PDE11A: variants seen among roughly 807,000 people sequenced by gnomAD.
PDE11A encodes the protein phosphodiesterase 11A.
Under a neutral mutation model 100.5 loss-of-function variants are expected in PDE11A, and 100 were observed. The ratio of observed to expected loss-of-function variants is 1.00; its 90% CI spans 0.85 to 1.18. PDE11A has a LOEUF of 1.18. Among genes scored for constraint, PDE11A ranks in the 50% most tolerant of loss-of-function variants. The probability of loss-of-function intolerance (pLI) is 0.00; values close to 1 mark genes in which losing one functional copy is unlikely to be tolerated. For synonymous variants in PDE11A, 381 were observed against 420.8 expected (o/e 0.91, Z 1.16); for missense variants, 1,141 against 1,152.6 (o/e 0.99, Z 0.15).
At chr2:178,010,426 A>G (rs1352823883) in intron 2 of PDE11A, among the ~76,000 whole-genome samples, 1 of 152,216 alleles carries the variant, frequency 6.6e-6, no homozygotes, top group Non-Finnish European at 1.5e-5. Flanking sequence ...TGAAGTTGGC[A>G]GAGCTCTGAG....
chr2:177,714,214 C>T (rs1400751960), intron 12 of PDE11A, among the ~76,000 whole-genome samples: 1 of 151,918 alleles, frequency 6.6e-6, no homozygotes, highest in Non-Finnish European at 1.5e-5. Flanking sequence ...AGGATGGTCT[C>T]GATCTACTGA....
At chr2:177,734,242 T>C (rs1278589238) in intron 10 of PDE11A, among the ~76,000 whole-genome samples, 2 of 152,180 alleles carry the variant, frequency 1.3e-5, no homozygotes, top group African/African-American at 2.4e-5. Flanking sequence ...TGAACCCAAA[T>C]TGTTACTTTG....
intron 15 of PDE11A, among the ~76,000 whole-genome samples, chr2:177,688,693 A>G (rs1046166234): frequency 6.6e-6 from 1 of 152,258 alleles, no homozygotes; most frequent in African/African-American, 2.4e-5. Context: ...ATATGTTTTT[A>G]TTAGGCTTTC....
At chr2:178,007,413 G>A (rs2086224694) in intron 2 of PDE11A, among the ~76,000 whole-genome samples, 1 of 152,168 alleles carries the variant, frequency 6.6e-6, no homozygotes, top group East Asian at 1.9e-4. Context: ...GAACCACTCA[G>A]TCAGATATAG....
At chr2:178,024,322 G>T (rs897363029) in intron 1 of PDE11A, among the ~76,000 whole-genome samples, 1 of 152,180 alleles carries the variant, frequency 6.6e-6, no homozygotes, top group Non-Finnish European at 1.5e-5. Flanking sequence ...CGAGGCAGGA[G>T]AATTGCTTGG....
At chr2:178,069,002 T>C (rs1254062212) in intron 1 of PDE11A, among the ~76,000 whole-genome samples, 1 of 152,136 alleles carries the variant, frequency 6.6e-6, no homozygotes, top group African/African-American at 2.4e-5. Flanking sequence ...TGGAAAAGAT[T>C]AGGCTGGTCA....
intron 2 of PDE11A, among the ~76,000 whole-genome samples, chr2:178,010,726 T>C (rs1046647515): frequency 2.6e-5 from 4 of 152,238 alleles, no homozygotes; most frequent in African/African-American, 9.6e-5. Flanking sequence ...GAAAATTTTA[T>C]GATCTCCCAA....
At chr2:178,046,862 C>G (rs1038829640) in intron 1 of PDE11A, among the ~76,000 whole-genome samples, 2 of 152,052 alleles carry the variant, frequency 1.3e-5, no homozygotes, top group Non-Finnish European at 1.5e-5. Flanking sequence ...GAGACTCTTA[C>G]AGTTGGAAAA....
At chr2:177,879,355 T>A (rs2084293334) in intron 4 of PDE11A, among the ~76,000 whole-genome samples, 1 of 152,214 alleles carries the variant, frequency 6.6e-6, no homozygotes, top group Non-Finnish European at 1.5e-5. Flanking sequence ...TTTTGATGAG[T>A]TAAACAAATC....
At chr2:177,960,561 G>C (rs2085619112) in intron 2 of PDE11A, among the ~76,000 whole-genome samples, 1 of 151,448 alleles carries the variant, frequency 6.6e-6, no homozygotes, top group South Asian at 2.1e-4. Context: ...AAAATGCCCA[G>C]GCTGCCCACA....
At chr2:177,859,329 A>G (rs1310845981) in intron 5 of PDE11A, among the ~76,000 whole-genome samples, 2 of 152,044 alleles carry the variant, frequency 1.3e-5, no homozygotes, top group African/African-American at 4.8e-5. Context: ...CAAAAAGGGG[A>G]AAAAAACAAA....
chr2:177,642,479 A>C (rs1335334196), intron 19 of PDE11A, among the ~76,000 whole-genome samples: 1 of 152,228 alleles, frequency 6.6e-6, no homozygotes, highest in Non-Finnish European at 1.5e-5. Context: ...AAAGGGCTCT[A>C]GCTTTATAAT....
intron 14 of PDE11A, among the ~76,000 whole-genome samples, chr2:177,700,672 T>C (rs1460997677): frequency 1.3e-5 from 2 of 152,234 alleles, no homozygotes; most frequent in South Asian, 4.1e-4. Flanking sequence ...TTTTAAGTTG[T>C]ATAGTTTCTC....
intron 2 of PDE11A, among the ~76,000 whole-genome samples, chr2:177,982,695 T>C (rs1459759431): frequency 6.6e-6 from 1 of 150,840 alleles, no homozygotes; most frequent in African/African-American, 2.4e-5. Flanking sequence ...AGGCACCTAA[T>C]TTCTTGCCTT....
intron 15 of PDE11A, chr2:177,687,836 G>A (rs553567686): frequency 1.3e-5 from 2 of 152,118 alleles, no homozygotes; most frequent in Admixed American, 6.5e-5. Flanking sequence ...TTATAGGTGA[G>A]GAAACTCAAG....
At chr2:177,748,147 A>G (rs1308215892) in intron 10 of PDE11A, among the ~76,000 whole-genome samples, 3 of 152,212 alleles carry the variant, frequency 2.0e-5, no homozygotes, top group Non-Finnish European at 4.4e-5. Context: ...CTTTTATGCC[A>G]AGAAAGCTCC....
At chr2:178,001,275 AGTGTGTGTGTGTGTGT>A (rs57136586) in intron 2 of PDE11A, among the ~76,000 whole-genome samples, 3 of 140,760 alleles carry the variant, frequency 2.1e-5, no homozygotes, top group South Asian at 4.9e-4. Context: ...ACAATGTGAA[AGTGTGTGTGTGTGTGT>A]GTGTGTGTGT....
At chr2:177,857,759 A>G (rs544601192) in intron 5 of PDE11A, among the ~76,000 whole-genome samples, 5 of 152,198 alleles carry the variant, frequency 3.3e-5, no homozygotes, top group African/African-American at 1.2e-4. Flanking sequence ...TGGATAAAAT[A>G]ACATGATCCA....
chr2:177,907,549 G>C (rs1242865483), intron 2 of PDE11A, among the ~76,000 whole-genome samples: 1 of 152,146 alleles, frequency 6.6e-6, no homozygotes, highest in African/African-American at 2.4e-5. Context: ...TTAGAAAACT[G>C]AGGCTTTAAG....
Sources: allele counts gnomAD v4.1 joint callset (sites outside exome capture counted in the v4.1 genomes callset), GRCh38; gene constraint gnomAD v4.1.1; transcripts MANE v1.5; gene names NCBI Gene and HGNC (gene_info 2026-07-23, HGNC 2026-07-21).